Variants in HNRNPUL1 observed in about 807,000 individuals in gnomAD.
HNRNPUL1 encodes the protein heterogeneous nuclear ribonucleoprotein U-like protein 1.
HNRNPUL1 carries 14 observed loss-of-function variants against 108.5 expected under a neutral mutation model. The observed-to-expected ratio is 0.13, with a 90% CI of 0.09 to 0.20. HNRNPUL1 has a LOEUF of 0.20. Ranked by LOEUF, HNRNPUL1 falls within the 10% of genes least tolerant of loss-of-function variation. The pLI is 1.00. For synonymous variants in HNRNPUL1, 422 were observed against 445.2 expected (o/e 0.95, Z 0.66); for missense variants, 804 against 1,168.3 (o/e 0.69, Z 4.55).
intron 10 of HNRNPUL1, among the ~76,000 whole-genome samples, chr19:41,296,119 A>G (rs934104306): frequency 1.3e-5 from 2 of 152,238 alleles, no homozygotes; most frequent in East Asian, 1.9e-4. Context: ...TACCCTAGCC[A>G]GTATTCCTCC....
chr19:41,304,017 G>T lies in HNRNPUL1; in HGVS notation c.2018G>T (p.Gly673Val), dbSNP rs781485852. 5 of 1,613,840 alleles carry T rather than the reference G, an allele frequency of 3.1e-6. No individual in the cohort carries two copies. The highest frequency in any genetic ancestry group is 3.4e-6 in the Non-Finnish European group (4 of 1,179,956). ...GGTGGCTATAGCCAGAACCGCTGGG[G>T]TAACAACAACCGGGATAACAACAAC... is the stretch of plus-strand genomic sequence containing the variant. ...GGGGYSQNRW[G>V]NNNRDNNNSN... The change falls in exon 13 of 15, where the codon GGT becomes GTT. Residue 673 changes from glycine to valine, a missense_variant. This residue lies in a region of HNRNPUL1 where 294 missense variants were observed against 388.3 expected (regional missense o/e 0.76). Coordinates refer to ENST00000392006, the MANE Select transcript of HNRNPUL1 (RefSeq NM_007040.6).
Position 41,276,244 on chromosome 19 carries a change from A to G in HNRNPUL1, c.732A>G (p.Ser244=), listed in dbSNP as rs1205959513. 3.7e-6 allele frequency: 6 copies of G among 1,613,520 alleles called. No homozygotes were observed. Among genetic ancestry groups the G allele is most frequent in the African/African-American group, 1.3e-5 (1 of 74,876 alleles). The change falls in exon 5 of 15, where the codon TCA becomes TCG. Residue 244 remains serine (S), a synonymous_variant. Transcript: ENST00000392006. ...LTIEGFAYLW[S]GARASYGVRR... The stretch of plus-strand genomic sequence containing the variant: ...TTGAGGGCTTTGCATACCTGTGGTC[A>G]GGAGCCCGTGCCAGCTATGGGGTCA...
chr19:41,270,086 G>A (rs1467533283), intron 2 of HNRNPUL1, among the ~76,000 whole-genome samples: 2 of 152,072 alleles, frequency 1.3e-5, no homozygotes, highest in African/African-American at 4.8e-5. Context: ...GGGTTCAAGC[G>A]ATTCTCCTGC....
intron 3 of HNRNPUL1, 121 bp from the exon 4 acceptor site, chr19:41,273,856 GTGGAA>G: frequency 1.4e-6 from 1 of 725,338 alleles, no homozygotes; most frequent in East Asian, 2.6e-5. Flanking sequence ...GCCCACCTCT[GTGGAA>G]GGAAATGGAG....
At chr19:41,274,968 C>G (rs749414464) in intron 4 of HNRNPUL1, among the ~76,000 whole-genome samples, 2 of 152,090 alleles carry the variant, frequency 1.3e-5, no homozygotes, top group African/African-American at 4.8e-5. Flanking sequence ...CAGATCATGA[C>G]GGTCAGCCTT....
chr19:41,282,929 C>T (rs1374139694), intron 7 of HNRNPUL1, among the ~76,000 whole-genome samples: 2 of 151,002 alleles, frequency 1.3e-5, no homozygotes, highest in African/African-American at 2.4e-5. Flanking sequence ...CTCCTGACCT[C>T]GTGATCCGCC....
At chr19:41,272,721 C>CA (rs2035318765) in intron 3 of HNRNPUL1, among the ~76,000 whole-genome samples, 1 of 152,170 alleles carries the variant, frequency 6.6e-6, no homozygotes, top group African/African-American at 2.4e-5. Flanking sequence ...TGTGGGGACT[C>CA]AGACACATAC....
chr19:41,285,453 C>T (rs1258275502), intron 7 of HNRNPUL1, among the ~76,000 whole-genome samples: 1 of 152,106 alleles, frequency 6.6e-6, no homozygotes, highest in East Asian at 1.9e-4. Context: ...AATCCGCCCT[C>T]CTTGACCTCC....
chr19:41,299,089 A>C (rs2037051570), intron 10 of HNRNPUL1, among the ~76,000 whole-genome samples: 1 of 152,194 alleles, frequency 6.6e-6, no homozygotes, highest in South Asian at 2.1e-4. Context: ...AATGGAGTCA[A>C]AGAAGAGTAG....
chr19:41,264,777 T>C lies in HNRNPUL1; in HGVS notation c.274T>C (p.Tyr92His). The C allele has an allele frequency of 7.3e-7, 1 of 1,369,442 alleles. No homozygotes were observed. Among genetic ancestry groups the C allele is most frequent in the South Asian group, 1.7e-5 (1 of 58,654 alleles). 84.8% of individuals were successfully genotyped at this position (1,369,442 alleles called of 1,614,324 possible). A position where few individuals can be genotyped will look rare whatever the true frequency, so the allele number is the denominator to read the frequency against. ...GCAGCCGCACGCGGAGCCCGGCGGCTACTCGGGGCCGGACGGACATTGTGA... is the reference window on the plus strand; with the variant it reads ...GCAGCCGCACGCGGAGCCCGGCGGCCACTCGGGGCCGGACGGACATTGTGA... Reference protein sequence around the residue: ...GLQPHAEPGGYSGPDGHYAMD... With the variant: ...GLQPHAEPGGHSGPDGHYAMD... Residue 92 changes from tyrosine to histidine, a missense_variant, in exon 1 of 15, where the codon TAC (tyrosine) becomes CAC (histidine). Physicochemically the swap from Tyr to His is moderately conservative, Grantham distance 83. Coordinates refer to ENST00000392006, the MANE Select transcript of HNRNPUL1 (RefSeq NM_007040.6).
intron 1 of HNRNPUL1, chr19:41,265,168 G>A (rs747117453): frequency 1.7e-4 from 245 of 1,454,604 alleles, no homozygotes; most frequent in Non-Finnish European, 2.1e-4. Flanking sequence ...GGATCCTAGG[G>A]TACGGAGCTC....
At chr19:41,269,293 C>G (rs1481019064) in intron 2 of HNRNPUL1, among the ~76,000 whole-genome samples, 1 of 151,570 alleles carries the variant, frequency 6.6e-6, no homozygotes, top group Admixed American at 6.6e-5. Context: ...TAGTGAGACC[C>G]CTTCTCTACA....
chr19:41,281,300 T>C (rs1292622384), intron 7 of HNRNPUL1, 25 bp downstream of exon 7: 2 of 1,509,898 alleles, frequency 1.3e-6, no homozygotes, highest in African/African-American at 2.7e-5. Context: ...CCTGTGGGAG[T>C]TGGCAGAACC....
chr19:41,267,187 G>C (rs2034903488), intron 1 of HNRNPUL1, among the ~76,000 whole-genome samples: 1 of 152,192 alleles, frequency 6.6e-6, no homozygotes, highest in African/African-American at 2.4e-5. Flanking sequence ...AACCCCTGAG[G>C]GGTGTTATGA....
intron 7 of HNRNPUL1, chr19:41,286,610 T>C (rs1165274388): frequency 6.6e-6 from 1 of 151,688 alleles, no homozygotes; most frequent in East Asian, 1.9e-4. Flanking sequence ...CCGATTGGCA[T>C]AGTGCACTAC....
intron 5 of HNRNPUL1, chr19:41,278,406 A>G (rs1165780893): frequency 1.3e-5 from 2 of 151,896 alleles, no homozygotes; most frequent in Non-Finnish European, 2.9e-5. Context: ...TGGCATGGAT[A>G]TACCATAATC....
At chr19:41,302,304 C>T (rs963359939) in intron 11 of HNRNPUL1, 20 of 341,476 alleles carry the variant, frequency 5.9e-5, no homozygotes, top group Non-Finnish European at 1.0e-4. Flanking sequence ...CCGCAACCTC[C>T]GCCTCCTGAG....
chr19:41,276,427 C>A, intron 5 of HNRNPUL1, 129 bp downstream of exon 5: 2 of 1,019,998 alleles, frequency 2.0e-6, no homozygotes, highest in Non-Finnish European at 1.4e-6. Flanking sequence ...TCCAAGCAGA[C>A]AAAACTGTGA....
chr19:41,266,208 G>A (rs1013564981), intron 1 of HNRNPUL1, among the ~76,000 whole-genome samples: 3 of 152,162 alleles, frequency 2.0e-5, no homozygotes, highest in African/African-American at 7.2e-5. Flanking sequence ...GCCGAGGCGG[G>A]CGGATCACGA....
Sources: gnomAD v4.1 joint callset for allele counts (sites outside exome capture counted in the v4.1 genomes callset) on GRCh38, gnomAD v4.1.1 for gene constraint, gnomAD v4.1.1 regional missense constraint, MANE v1.5 for transcripts, NCBI Gene and HGNC (gene_info 2026-07-23, HGNC 2026-07-21) for gene names.